COL22A1: variants seen among roughly 807,000 people sequenced by gnomAD.
The protein encoded by COL22A1 is collagen type XXII alpha 1 chain.
COL22A1 carries 221 observed loss-of-function variants against 248.9 expected under a neutral mutation model. The observed-to-expected ratio is 0.89, with a 90% confidence interval of 0.80 to 0.99. The LOEUF is 0.99. Ranked by LOEUF, COL22A1 falls within the 50% of genes least tolerant of loss-of-function variation. The probability of loss-of-function intolerance (pLI) is 0.00; values close to 1 mark genes in which losing one functional copy is unlikely to be tolerated. For synonymous variants in COL22A1, 891 were observed against 793.4 expected (o/e 1.12, Z -2.07); for missense variants, 2,240 against 2,179.0 (o/e 1.03, Z -0.56).
In COL22A1 at chr8:138,623,781, T is replaced by G; in HGVS notation, c.3722A>C (p.Glu1241Ala). ...TCCATCTCTGCCCTCTTTGCCTTCT[T>G]CTCCCTGCAAGAGAAACTCAAATTG... is the stretch of plus-strand genomic sequence containing the variant. ...GPSGLPGIPG[E>A]EGKEGRDGKP... The change falls in exon 52 of 65, where the codon GAA becomes GCA. Residue 1241 changes from glutamate (E) to alanine (A), a missense_variant. Glu to Ala is a moderately radical substitution (Grantham distance 107, BLOSUM62 -1). Coordinates refer to ENST00000303045, the MANE Select transcript of COL22A1 (RefSeq NM_152888.3). 1.2e-6 allele frequency: 2 copies of G among 1,612,772 alleles called. No individual in the cohort carries two copies. Among genetic ancestry groups the G allele is most frequent in the Non-Finnish European group, 8.5e-7 (1 of 1,179,446 alleles).
chr8:138,774,537 G>A (rs1002208759), intron 16 of COL22A1, among the ~76,000 whole-genome samples: 19 of 151,250 alleles, frequency 1.3e-4, no homozygotes, highest in African/African-American at 4.6e-4. Flanking sequence ...TCCTGCCTCA[G>A]CCTCCCGAGT....
intron 51 of COL22A1, among the ~76,000 whole-genome samples, chr8:138,624,652 G>A (rs750040808): frequency 2.0e-4 from 31 of 152,074 alleles, no homozygotes; most frequent in Non-Finnish European, 4.3e-4. Flanking sequence ...AAATCAGTAC[G>A]TATTTCCTAA....
chr8:138,776,701 C>A (rs192223813), intron 15 of COL22A1, among the ~76,000 whole-genome samples: 1 of 151,818 alleles, frequency 6.6e-6, no homozygotes, highest in Non-Finnish European at 1.5e-5. Flanking sequence ...CAGCCCTGAA[C>A]GCTGCATTTT....
chr8:138,853,891 C>T (rs4736085), intron 3 of COL22A1, among the ~76,000 whole-genome samples: 10,448 of 152,262 alleles, frequency 0.069, 408 homozygotes, highest in African/African-American at 0.11. Flanking sequence ...GTTTGGCTGA[C>T]ACCCAGTCTC....
At chr8:138,775,736 G>C (rs996566235) in intron 16 of COL22A1, among the ~76,000 whole-genome samples, 4 of 152,178 alleles carry the variant, frequency 2.6e-5, no homozygotes, top group Non-Finnish European at 4.4e-5. Flanking sequence ...TGAGACCACA[G>C]CCTTCCCAGC....
At chr8:138,653,125 A>C (rs770899357) in intron 45 of COL22A1, among the ~76,000 whole-genome samples, 1 of 152,150 alleles carries the variant, frequency 6.6e-6, no homozygotes, top group Non-Finnish European at 1.5e-5. Flanking sequence ...TGAAGTACCA[A>C]GTAAGCACTC....
chr8:138,687,905 C>T (rs1339003449), intron 37 of COL22A1, among the ~76,000 whole-genome samples: 1 of 152,148 alleles, frequency 6.6e-6, no homozygotes, highest in Non-Finnish European at 1.5e-5. Flanking sequence ...GCAGTTACTC[C>T]CCTTAGTGGT....
chr8:138,614,448 C>T (rs1819146706), intron 55 of COL22A1, among the ~76,000 whole-genome samples: 1 of 152,192 alleles, frequency 6.6e-6, no homozygotes, highest in Admixed American at 6.5e-5. Context: ...CTTGGACATG[C>T]TTCTACACAA....
chr8:138,691,574 T>C (rs796435369), intron 35 of COL22A1, among the ~76,000 whole-genome samples: 44 of 1,000 alleles, frequency 0.044, no homozygotes, highest in East Asian at 0.095. Flanking sequence ...GAGGTGTATG[T>C]GTGCGTGTGC....
At chr8:138,665,236 G>T (rs957087748) in intron 41 of COL22A1, among the ~76,000 whole-genome samples, 1 of 152,348 alleles carries the variant, frequency 6.6e-6, no homozygotes, top group South Asian at 2.1e-4. Flanking sequence ...TGCCCTGGAG[G>T]GGAGCAGGAC....
At chr8:138,880,773 C>T (rs890299590) in intron 2 of COL22A1, among the ~76,000 whole-genome samples, 2 of 152,188 alleles carry the variant, frequency 1.3e-5, no homozygotes, top group Non-Finnish European at 2.9e-5. Context: ...ATTCTTTTGT[C>T]TTTGGGACAA....
chr8:138,679,716 A>G, intron 39 of COL22A1, 40 bp from the exon 40 acceptor site: 2 of 1,569,688 alleles, frequency 1.3e-6, no homozygotes, highest in South Asian at 1.1e-5. Flanking sequence ...TCACCAAACA[A>G]ATGTTTACCA....
intron 27 of COL22A1, among the ~76,000 whole-genome samples, chr8:138,717,966 G>A (rs903358992): frequency 3.3e-5 from 5 of 152,158 alleles, no homozygotes; most frequent in Admixed American, 3.3e-4. Flanking sequence ...CTTTAGTGTA[G>A]ATTTTAATAA....
At chr8:138,809,614 G>A (rs899631763) in intron 9 of COL22A1, among the ~76,000 whole-genome samples, 2 of 147,212 alleles carry the variant, frequency 1.4e-5, no homozygotes, top group African/African-American at 5.0e-5. Context: ...TCCGCCTCCC[G>A]GGTTCAAGAG....
rs202026472 is a variant in COL22A1 at position 138,779,527 on chromosome 8, C to G, written c.1686G>C (p.Pro562=). 3 of 1,613,482 alleles carry G rather than the reference C, an allele frequency of 1.9e-6. No individual in the cohort carries two copies. Among genetic ancestry groups the G allele is most frequent in the Non-Finnish European group, 1.7e-6 (2 of 1,179,446 alleles). ...EPGELGEPGL[P]GEVGMRGPQG... is the part of the protein sequence containing the mutation. ...CACTCACCCGCATGCCGACCTCACC[C>G]GGCAGCCCCGGCTCTCCCAGCTCTC... Residue 562 remains proline (P), a synonymous_variant, in exon 14 of 65, where the codon CCG becomes CCC. Transcript: ENST00000303045.
At chr8:138,776,074 G>A (rs2131497440) in intron 15 of COL22A1, 64 bp from the exon 16 acceptor site, 3 of 1,547,784 alleles carry the variant, frequency 1.9e-6, no homozygotes, top group South Asian at 1.1e-5. Flanking sequence ...CTCACCGTGG[G>A]GGTGTCCATG....
chr8:138,838,248 G>A (rs1318544814), intron 4 of COL22A1, among the ~76,000 whole-genome samples: 1 of 152,162 alleles, frequency 6.6e-6, no homozygotes, highest in Non-Finnish European at 1.5e-5. Context: ...TCTCACAGAG[G>A]TGGGGTCCCT....
intron 41 of COL22A1, among the ~76,000 whole-genome samples, chr8:138,666,976 T>A (rs760684007): frequency 5.9e-5 from 9 of 152,212 alleles, no homozygotes; most frequent in Admixed American, 3.3e-4. Flanking sequence ...ATCTAGAGTA[T>A]CACCTTGCCT....
intron 53 of COL22A1, among the ~76,000 whole-genome samples, 163 bp downstream of exon 53, chr8:138,619,292 T>C (rs1480599020): frequency 1.3e-5 from 2 of 152,182 alleles, no homozygotes; most frequent in Non-Finnish European, 2.9e-5. Flanking sequence ...AGCTATGTAG[T>C]GTGGCAAAGC....
Sources: allele counts gnomAD v4.1 joint callset (sites outside exome capture counted in the v4.1 genomes callset), GRCh38; gene constraint gnomAD v4.1.1; transcripts MANE v1.5; gene names NCBI Gene and HGNC (gene_info 2026-07-23, HGNC 2026-07-21).